The following ZNF875 variants were observed in gnomAD, a reference collection of about 807,000 sequenced individuals.
ZNF875 encodes HKR1, GLI-Kruppel zinc finger family member.
A neutral mutation model predicts 11.2 loss-of-function variants in ZNF875; 14 were observed. That is an observed-to-expected ratio of 1.26 (90% CI 0.83 to 1.96). The LOEUF is 1.96. Among genes scored for constraint, ZNF875 ranks in the 30% most tolerant of loss-of-function variants. ZNF875 has a pLI of 0.00. For missense variants in ZNF875, 752 were observed against 760.4 expected, an observed-to-expected ratio of 0.99 and a Z score of 0.13; for synonymous variants, 301 against 281.1, an observed-to-expected ratio of 1.07 and a Z score of -0.71.
chr19:37,314,316 A>T (rs537611071), upstream of ZNF875, among the ~76,000 whole-genome samples: 1 of 152,168 alleles, frequency 6.6e-6, no homozygotes, highest in Admixed American at 6.5e-5. Context: ...GGGTCTCACT[A>T]TGTTGCAGAG....
At chr19:37,344,885 A>C (rs2036478062) in intron 2 of ZNF875, 4 of 741,548 alleles carry the variant, frequency 5.4e-6, no homozygotes, top group South Asian at 2.9e-5. Context: ...TGTAAAAGCA[A>C]ATCACAACAG....
rs1302055221 is a variant in ZNF875 at position 37,362,991 on chromosome 19, A to T, written c.1139A>T (p.His380Leu). The change falls in exon 5 of 5, where the codon CAC becomes CTC. Residue 380 changes from histidine (H) to leucine (L), a missense_variant. By Grantham distance (99) the His-to-Leu change is moderately conservative. Coordinates refer to ENST00000392153, the MANE Select transcript of ZNF875 (RefSeq NM_001353803.2). The part of the protein sequence containing the change: ...ECGRGFRQHS[H>L]LVRHKRTHSG... ...GGGCGTGGCTTTCGCCAGCATTCAC[A>T]CCTGGTCAGACACAAGAGGACACAT... The T allele has an allele frequency of 9.9e-6, 16 of 1,613,972 alleles. No individual in the cohort carries two copies. Among genetic ancestry groups the T allele is most frequent in the Non-Finnish European group, 1.4e-5 (16 of 1,180,030 alleles).
At chr19:37,344,127 A>G (rs910825101) in intron 2 of ZNF875, among the ~76,000 whole-genome samples, 2 of 152,188 alleles carry the variant, frequency 1.3e-5, no homozygotes, top group Non-Finnish European at 2.9e-5. Context: ...TACTATTATA[A>G]TATCGATTTT....
At chr19:37,328,171 G>C (rs2145783683) in intron 4 of ZNF875, among the ~76,000 whole-genome samples, 1 of 151,866 alleles carries the variant, frequency 6.6e-6, no homozygotes, top group Non-Finnish European at 1.5e-5. Context: ...ACTGGGAGGT[G>C]GAGCCTGCAG....
chr19:37,357,368 C>T (rs908350423), intron 4 of ZNF875, among the ~76,000 whole-genome samples: 1 of 152,058 alleles, frequency 6.6e-6, no homozygotes, highest in Non-Finnish European at 1.5e-5. Context: ...GTTAGAATGA[C>T]AAATGATGTT....
At chr19:37,322,910 C>T (rs1222248613) in intron 2 of ZNF875, among the ~76,000 whole-genome samples, 4 of 152,110 alleles carry the variant, frequency 2.6e-5, no homozygotes, top group African/African-American at 9.7e-5. Context: ...CTACATGTGT[C>T]CAAAGCCTAA....
Position 37,335,183 on chromosome 19 carries a change from A to G in ZNF875, c.-42A>G, listed in dbSNP as rs551157227. ...CACATCCCCAGATCTGTCTTCTGAG[A>G]CTTTGCCCTTCTCCAGGAAGAGCAC... is the stretch of plus-strand genomic sequence containing the variant. On this transcript the variant is annotated 5_prime_UTR_variant, in exon 2 of 5. Coordinates refer to ENST00000392153, the MANE Select transcript of ZNF875 (RefSeq NM_001353803.2). 1.4e-6 allele frequency: 1 copy of G among 702,198 alleles called. No individual in the cohort carries two copies. The highest frequency in any genetic ancestry group is 1.7e-5 in the African/African-American group (1 of 57,344). 43.5% of individuals were successfully genotyped at this position (702,198 alleles called of 1,614,324 possible).
chr19:37,331,870 C>T (rs1206954984), upstream of ZNF875, among the ~76,000 whole-genome samples: 60 of 131,180 alleles, frequency 4.6e-4, no homozygotes, highest in African/African-American at 1.5e-3. Context: ...AGGAATGCCT[C>T]TTGCAGTTGA....
At chr19:37,339,897 C>T (rs11668709) in intron 2 of ZNF875, among the ~76,000 whole-genome samples, 2,250 of 151,936 alleles carry the variant, frequency 0.015, 27 homozygotes, top group Non-Finnish European at 0.022. Context: ...ATTTGAACTT[C>T]CAATTACTTC....
upstream of ZNF875, among the ~76,000 whole-genome samples, chr19:37,330,042 A>G (rs1459101188): frequency 1.3e-5 from 2 of 152,174 alleles, no homozygotes; most frequent in Middle Eastern, 3.2e-3. Flanking sequence ...TTGACTTACC[A>G]TTAAAAAAAA....
intron 4 of ZNF875, among the ~76,000 whole-genome samples, chr19:37,351,370 CAA>C (rs1176173839): frequency 6.6e-6 from 1 of 151,994 alleles, no homozygotes. Context: ...TGGATTTTTG[CAA>C]AGAGTCAACT....
chr19:37,318,671 G>A (rs1460621923), intron 1 of ZNF875, among the ~76,000 whole-genome samples: 3 of 151,668 alleles, frequency 2.0e-5, no homozygotes, highest in East Asian at 2.0e-4. Flanking sequence ...ACAGGCGCCC[G>A]CCACCACGTC....
chr19:37,317,712 C>T (rs1328870413), upstream of ZNF875, among the ~76,000 whole-genome samples: 2 of 152,238 alleles, frequency 1.3e-5, no homozygotes, highest in Non-Finnish European at 2.9e-5. Flanking sequence ...CAGGCCCAAG[C>T]GCTTCTTATT....
upstream of ZNF875, among the ~76,000 whole-genome samples, chr19:37,332,086 T>C (rs2033489004): frequency 7.1e-6 from 1 of 140,362 alleles, no homozygotes; most frequent in Non-Finnish European, 1.5e-5. Context: ...ATCCTTTACA[T>C]TGTCTATGAT....
chr19:37,314,331 G>T (rs2030090016), upstream of ZNF875, among the ~76,000 whole-genome samples: 2 of 151,968 alleles, frequency 1.3e-5, no homozygotes, highest in South Asian at 4.2e-4. Flanking sequence ...GCAGAGACAG[G>T]TCTCAAACTC....
intron 2 of ZNF875, among the ~76,000 whole-genome samples, chr19:37,343,532 A>G (rs548615532): frequency 2.6e-5 from 4 of 152,026 alleles, no homozygotes; most frequent in South Asian, 4.2e-4. Flanking sequence ...GATGGTCTCA[A>G]CCTGTCTGGT....
chr19:37,344,198 G>A (rs1422188443), intron 2 of ZNF875, among the ~76,000 whole-genome samples: 1 of 152,218 alleles, frequency 6.6e-6, no homozygotes, highest in East Asian at 1.9e-4. Flanking sequence ...AGGGAGGAGA[G>A]AGGGGACTGT....
intron 4 of ZNF875, among the ~76,000 whole-genome samples, chr19:37,326,292 AT>A (rs1274754570): frequency 2.6e-5 from 4 of 152,168 alleles, no homozygotes; most frequent in African/African-American, 9.7e-5. Flanking sequence ...CTGGAGGGTG[AT>A]TTTATGTACA....
At chr19:37,335,689 G>C (rs2034220318) in intron 2 of ZNF875, among the ~76,000 whole-genome samples, 1 of 152,126 alleles carries the variant, frequency 6.6e-6, no homozygotes, top group African/African-American at 2.4e-5. Context: ...CCAACAATAG[G>C]CGCTAGATTT....
Sources: allele counts gnomAD v4.1 joint callset (sites outside exome capture counted in the v4.1 genomes callset), GRCh38; gene constraint gnomAD v4.1.1; transcripts MANE v1.5; gene names NCBI Gene and HGNC (gene_info 2026-07-23, HGNC 2026-07-21).